The following PHEX variants were observed in gnomAD, a reference collection of about 807,000 sequenced individuals.
PHEX encodes the protein phosphate-regulating neutral endopeptidase PHEX.
PHEX carries 16 observed loss-of-function variants against 68.0 expected under a neutral mutation model. The ratio of observed to expected loss-of-function variants is 0.24; its 90% CI spans 0.16 to 0.36. The LOEUF (loss-of-function observed/expected upper bound fraction) is 0.36, where lower values mean the gene tolerates loss of function less well. Ranked by LOEUF, PHEX falls within the 10% of genes least tolerant of loss-of-function variation. The pLI is 1.00. For synonymous variants in PHEX, 208 were observed against 205.1 expected (o/e 1.01, Z -0.12); for missense variants, 480 against 575.5 (o/e 0.83, Z 1.70).
At chrX:22,237,996 G>A (rs1936043196) in intron 20 of PHEX, among the ~76,000 whole-genome samples, 1 of 112,623 alleles carries the variant, frequency 8.9e-6, no homozygotes, top group Non-Finnish European at 1.9e-5. Flanking sequence ...TCAAGAAGTT[G>A]GGTTTTGGGC....
chrX:22,105,268 T>A (rs998596416), intron 9 of PHEX, among the ~76,000 whole-genome samples: 4 of 112,592 alleles, frequency 3.6e-5, no homozygotes, highest in Admixed American at 1.9e-4. Flanking sequence ...AGCACTGATG[T>A]GGGATTTAGG....
intron 16 of PHEX, among the ~76,000 whole-genome samples, chrX:22,218,414 G>T (rs973527317): frequency 1.8e-5 from 2 of 111,446 alleles, no homozygotes; most frequent in African/African-American, 6.5e-5. Context: ...CCCTTTTATA[G>T]ATAATCTACC....
At chrX:22,146,841 AT>A (rs56708915) in intron 12 of PHEX, among the ~76,000 whole-genome samples, 30,892 of 109,076 alleles carry the variant, frequency 0.28, 3,697 homozygotes, top group East Asian at 0.76. Flanking sequence ...ATAAAATAAA[AT>A]TAATTAATTA....
rs201759120 is a variant in PHEX at position 22,173,024 on chromosome X, AGT to A, written c.1482+4656_1482+4657del. The A allele has an allele frequency of 1.3e-3, 139 of 104,913 alleles. 2 individuals carry two copies. The highest frequency in any genetic ancestry group is 0.012 in the East Asian group (42 of 3,387). The allele number at this position is 104,913 out of a possible 1,213,427, so 8.6% of individuals were successfully genotyped here. A position where few individuals can be genotyped will look rare whatever the true frequency, so the allele number is the denominator to read the frequency against. On this transcript the variant is annotated intron_variant, in intron 13 of 21. Coordinates refer to ENST00000379374, the MANE Select transcript of PHEX (RefSeq NM_000444.6). Reference sequence around the variant, plus strand: ...CAGTGAAACACTAGTGTGTGTGTGTAGTGTGTGTGTGTGTGTGTGTGTACATG... The same window carrying A: ...CAGTGAAACACTAGTGTGTGTGTGTAGTGTGTGTGTGTGTGTGTGTACATG...
At chrX:22,090,916 A>G (rs1452098464) in intron 6 of PHEX, among the ~76,000 whole-genome samples, 1 of 111,664 alleles carries the variant, frequency 9.0e-6, no homozygotes, top group African/African-American at 3.3e-5. Context: ...TTCTTGGGTC[A>G]CAGCCCTGGA....
chrX:22,241,809 G>A (rs1936208408), intron 20 of PHEX, among the ~76,000 whole-genome samples: 1 of 111,520 alleles, frequency 9.0e-6, no homozygotes, highest in South Asian at 3.7e-4. Context: ...AAAAGTTGTT[G>A]AGGACCAGAC....
chrX:22,220,689 T>C (rs756745560), intron 17 of PHEX, among the ~76,000 whole-genome samples: 5 of 112,069 alleles, frequency 4.5e-5, no homozygotes, highest in Non-Finnish European at 9.4e-5. Context: ...CCGGTACCTA[T>C]TTAATGATTG....
intron 5 of PHEX, among the ~76,000 whole-genome samples, chrX:22,086,081 G>A (rs1363668745): frequency 2.7e-5 from 3 of 111,726 alleles, no homozygotes; most frequent in African/African-American, 9.8e-5. Flanking sequence ...TTAAGCCTAC[G>A]TTTGCTTTGA....
chrX:22,086,766 C>T (rs1602281761), intron 5 of PHEX, among the ~76,000 whole-genome samples: 1 of 111,838 alleles, frequency 8.9e-6, no homozygotes, highest in African/African-American at 3.2e-5. Flanking sequence ...AATTTGTAAG[C>T]TCTTTCTTCT....
In PHEX at chrX:22,245,193, C is replaced by T. The variant is rs188040909; in HGVS notation, c.2071-140C>T. 7.7e-4 allele frequency: 434 copies of T among 561,185 alleles called. 2 individuals carry two copies. The African/African-American group carries it at 7.9e-3, about 10-fold the overall frequency. 46.2% of individuals were successfully genotyped at this position (561,185 alleles called of 1,213,427 possible). ...GAATAATAGATGTTATTACAGATGA[C>T]GGTTTTATTTGATCTTCTAAAACTG... On this transcript the variant is annotated intron_variant, in intron 20 of 21. Transcript: ENST00000379374.
chrX:22,224,947 A>AATTATCATACAGCGCTGTATGATTG (rs1935402246), intron 18 of PHEX, among the ~76,000 whole-genome samples: 3 of 23,250 alleles, frequency 1.3e-4, no homozygotes, highest in Admixed American at 9.7e-4. Flanking sequence ...AAATAACATA[A>AATTATCATACAGCGCTGTATGATTG]ATTATCATAC....
intron 20 of PHEX, among the ~76,000 whole-genome samples, chrX:22,235,668 G>T (rs1935949310): frequency 9.0e-6 from 1 of 111,372 alleles, no homozygotes; most frequent in African/African-American, 3.3e-5. Context: ...ATTGATCAGG[G>T]CTTCAACATA....
chrX:22,089,878 T>C (rs1929800824), intron 5 of PHEX, among the ~76,000 whole-genome samples: 1 of 112,643 alleles, frequency 8.9e-6, no homozygotes, highest in Admixed American at 9.4e-5. Context: ...AAAACAAAAT[T>C]ATTATTTGAT....
At chrX:22,161,260 T>C (rs1933118177) in intron 12 of PHEX, among the ~76,000 whole-genome samples, 1 of 112,519 alleles carries the variant, frequency 8.9e-6, no homozygotes, top group East Asian at 2.8e-4. Flanking sequence ...CAGTTAATAT[T>C]GAAATATACC....
At chrX:22,134,937 A>G (rs1454021734) in intron 12 of PHEX, among the ~76,000 whole-genome samples, 3 of 111,684 alleles carry the variant, frequency 2.7e-5, no homozygotes, top group African/African-American at 6.5e-5. Context: ...ACTGAGCACA[A>G]ATATTTTTGC....
At chrX:22,138,344 C>A (rs931377355) in intron 12 of PHEX, among the ~76,000 whole-genome samples, 2 of 112,839 alleles carry the variant, frequency 1.8e-5, no homozygotes, top group Non-Finnish European at 3.7e-5. Context: ...GGGATTCGGA[C>A]TCAGAGATGA....
chrX:22,245,244 G>A, intron 20 of PHEX, 89 bp from the exon 21 acceptor site: 1 of 692,499 alleles, frequency 1.4e-6, no homozygotes. Flanking sequence ...TTCTAAAATT[G>A]TTCCTCAGTA....
chrX:22,174,471 G>A (rs1206240216), intron 13 of PHEX, among the ~76,000 whole-genome samples: 1 of 111,436 alleles, frequency 9.0e-6, no homozygotes, highest in Non-Finnish European at 1.9e-5. Context: ...CAATTAGCAA[G>A]TCTTCTAAAA....
intron 15 of PHEX, among the ~76,000 whole-genome samples, chrX:22,200,346 C>T (rs772544377): frequency 6.2e-5 from 7 of 112,293 alleles, no homozygotes; most frequent in Admixed American, 1.9e-4. Context: ...CAGTGGCTCA[C>T]GCCTGTAATC....
Sources: gnomAD v4.1 joint callset for allele counts (sites outside exome capture counted in the v4.1 genomes callset) on GRCh38, gnomAD v4.1.1 for gene constraint, MANE v1.5 for transcripts, NCBI Gene and HGNC (gene_info 2026-07-23, HGNC 2026-07-21) for gene names.